Variants in RCC1 observed in about 807,000 individuals in gnomAD.
RCC1 encodes the protein regulator of chromosome condensation.
RCC1 carries 11 observed loss-of-function variants against 44.4 expected under a neutral mutation model. The observed-to-expected ratio is 0.25, with a 90% confidence interval of 0.16 to 0.41. RCC1 has a LOEUF of 0.41. Ranked by LOEUF, RCC1 falls within the 10% of genes least tolerant of loss-of-function variation. The pLI is 1.00. For missense variants in RCC1, 386 were observed against 547.1 expected, an observed-to-expected ratio of 0.71 and a Z score of 2.94; for synonymous variants, 213 against 216.5, an observed-to-expected ratio of 0.98 and a Z score of 0.14.
At chr1:28,519,046 G>A (rs1300728080) in intron 4 of RCC1, 2 of 152,244 alleles carry the variant, frequency 1.3e-5, no homozygotes, top group African/African-American at 4.8e-5. Context: ...GGGGTGTTAC[G>A]GGGAGCCCTC....
In RCC1 at chr1:28,524,183, A is replaced by T. The variant is rs944972467; in HGVS notation, c.-9-5675A>T. Among the ~76,000 whole-genome samples the T allele has an allele frequency of 6.6e-5, 10 of 152,188 alleles. No individual in the cohort carries two copies. In the East Asian group the frequency reaches 1.7e-3, roughly 26 times the overall value. On this transcript the variant is annotated intron_variant, in intron 4 of 12. Coordinates refer to ENST00000683442, the MANE Select transcript of RCC1 (RefSeq NM_001381865.2). The stretch of plus-strand genomic sequence containing the variant: ...TTGCCTGCCTGACATCCTTTCTGGG[A>T]TGGCTCCCAAGCACTTCAGATTGAA...
intron 9 of RCC1, 107 bp from the exon 10 acceptor site, chr1:28,535,764 T>C: frequency 8.2e-7 from 1 of 1,218,700 alleles, no homozygotes; most frequent in Middle Eastern, 1.9e-4. Flanking sequence ...TAAGAGTCCC[T>C]ACTTAGCCTC....
intron 7 of RCC1, chr1:28,532,610 T>C: frequency 3.8e-6 from 2 of 523,390 alleles, no homozygotes; most frequent in South Asian, 1.8e-5. Flanking sequence ...GGGTTGAGGC[T>C]GATCCAGGAG....
intron 7 of RCC1, among the ~76,000 whole-genome samples, chr1:28,534,777 A>G (rs1218435565): frequency 6.6e-6 from 1 of 152,230 alleles, no homozygotes; most frequent in Non-Finnish European, 1.5e-5. Flanking sequence ...CTGGCCCAGA[A>G]TAGTATATTG....
intron 3 of RCC1, 48 bp from the exon 4 acceptor site, chr1:28,516,677 A>G (rs990593185): frequency 6.3e-6 from 2 of 318,446 alleles, no homozygotes; most frequent in Non-Finnish European, 1.2e-5. Context: ...AAAGGGTCTT[A>G]CAAAATAGGC....
At chr1:28,510,063 C>G (rs536888878) in intron 3 of RCC1, 1 of 152,284 alleles carries the variant, frequency 6.6e-6, no homozygotes, top group South Asian at 2.1e-4. Flanking sequence ...CATAAATGTT[C>G]AGTACCCTGA....
intron 4 of RCC1, among the ~76,000 whole-genome samples, chr1:28,523,223 G>A (rs2124635333): frequency 6.6e-6 from 1 of 151,950 alleles, no homozygotes; most frequent in East Asian, 1.9e-4. Context: ...AGTAGAGACG[G>A]GGTTTCACCG....
At chr1:28,534,427 G>T (rs557344953) in intron 7 of RCC1, among the ~76,000 whole-genome samples, 1 of 152,034 alleles carries the variant, frequency 6.6e-6, no homozygotes, top group Non-Finnish European at 1.5e-5. Flanking sequence ...GTGATCGCCC[G>T]CCTTGGCCTC....
intron 4 of RCC1, chr1:28,526,716 T>G: frequency 2.0e-6 from 1 of 510,672 alleles, no homozygotes. Flanking sequence ...ACCAACATGG[T>G]GAAATCCCAT....
Position 28,536,761 on chromosome 1 carries a change from C to G in RCC1, c.952C>G (p.Leu318Val). 6.2e-7 allele frequency: 1 copy of G among 1,614,046 alleles called. No homozygotes were observed. The highest frequency in any genetic ancestry group is 8.5e-7 in the Non-Finnish European group (1 of 1,179,970). Residue 318 changes from leucine to valine, a missense_variant, in exon 12 of 13, where the codon CTG becomes GTG. Transcript: ENST00000683442. This position sits in a 1 kb window ranked among gnomAD's most constrained non-coding sequence, Gnocchi z 4.9. Reference protein sequence around the residue: ...CMDSEGKAYSLGRAEYGRLGL... With the variant: ...CMDSEGKAYSVGRAEYGRLGL... ...TCCTCCCATAGGAAAAGCATACAGC[C>G]TGGGCCGGGCTGAGTATGGGCGGCT...
At chr1:28,533,845 CTTTTTTTTTTTTT>C (rs1168443435) in intron 7 of RCC1, among the ~76,000 whole-genome samples, 2 of 46,870 alleles carry the variant, frequency 4.3e-5, no homozygotes, top group Non-Finnish European at 3.7e-5. Flanking sequence ...CTTTTCTTTT[CTTTTTTTTTTTTT>C]TTTTTTTTTT....
At chr1:28,511,949 C>G (rs983047022) in intron 3 of RCC1, among the ~76,000 whole-genome samples, 1 of 151,074 alleles carries the variant, frequency 6.6e-6, no homozygotes, top group Admixed American at 6.6e-5. Flanking sequence ...CAGGCGTAAG[C>G]CACTGCGCCT....
chr1:28,512,415 G>A (rs1200065624), intron 3 of RCC1, among the ~76,000 whole-genome samples: 1 of 151,996 alleles, frequency 6.6e-6, no homozygotes, highest in Non-Finnish European at 1.5e-5. Flanking sequence ...TCAAGAGACT[G>A]CATATGTAAA....
intron 4 of RCC1, among the ~76,000 whole-genome samples, chr1:28,521,185 G>A (rs1663244031): frequency 6.6e-6 from 1 of 152,032 alleles, no homozygotes. Context: ...GCAGGTACCG[G>A]GAACAGGGCT....
intron 4 of RCC1, among the ~76,000 whole-genome samples, chr1:28,529,126 T>C (rs942902392): frequency 3.4e-5 from 5 of 147,620 alleles, no homozygotes. Flanking sequence ...CCACCCACCT[T>C]GGCCTCCGAA....
rs370339586 is a variant in RCC1 at position 28,530,630 on chromosome 1, G to A, written c.73+691G>A. The A allele has an allele frequency of 1.8e-4, 289 of 1,589,266 alleles. 1 individual carries two copies. The African/African-American group carries it at 3.0e-3, about 17-fold the overall frequency. ...AACCCGACCAGGTGGCTCCGCGCCCGGGGCGCCCTCTGTGCTGCCAGCGCG... is the reference window on the plus strand; with the variant it reads ...AACCCGACCAGGTGGCTCCGCGCCCAGGGCGCCCTCTGTGCTGCCAGCGCG... On this transcript the variant is annotated intron_variant, in intron 5 of 12. Coordinates refer to ENST00000683442, the MANE Select transcript of RCC1 (RefSeq NM_001381865.2).
intron 4 of RCC1, chr1:28,518,271 G>C (rs898258573): frequency 3.3e-5 from 5 of 152,262 alleles, no homozygotes; most frequent in Non-Finnish European, 5.9e-5. Context: ...CGGCCCGGCG[G>C]GGAGCGCCGG....
At chr1:28,509,744 C>T (rs1662357330) in intron 3 of RCC1, 1 of 152,128 alleles carries the variant, frequency 6.6e-6, no homozygotes, top group Non-Finnish European at 1.5e-5. Context: ...GGCCCTGAAA[C>T]CTAGTCTCAG....
intron 3 of RCC1, chr1:28,509,317 C>A: frequency 5.8e-6 from 1 of 173,904 alleles, no homozygotes; most frequent in East Asian, 1.7e-4. Flanking sequence ...ATCTTGCTCA[C>A]TGCAACTTCC....
Sources: gnomAD v4.1 joint callset for allele counts (sites outside exome capture counted in the v4.1 genomes callset) on GRCh38, gnomAD v4.1.1 for gene constraint, Gnocchi (gnomAD v3.1) non-coding constraint, MANE v1.5 for transcripts, NCBI Gene and HGNC (gene_info 2026-07-23, HGNC 2026-07-21) for gene names.